LRP1B: variants seen among roughly 807,000 people sequenced by gnomAD.
The protein encoded by LRP1B is LDL receptor related protein 1B, also known as low-density lipoprotein receptor-related protein 1B.
In LRP1B, 217 loss-of-function variants were observed where a neutral mutation model predicts 556.6. The ratio of observed to expected loss-of-function variants is 0.39; its 90% CI spans 0.35 to 0.44. LRP1B has a LOEUF of 0.44. Ranked by LOEUF, LRP1B falls within the 20% of genes least tolerant of loss-of-function variation. The probability of loss-of-function intolerance (pLI) is 1.00; values close to 1 mark genes in which losing one functional copy is unlikely to be tolerated. For missense variants in LRP1B, 5,053 were observed against 5,620.8 expected (o/e 0.90, Z 3.23); for synonymous variants, 2,047 against 1,865.8 (o/e 1.10, Z -2.50).
chr2:141,544,414 T>TCCTCCTCCTCCTC (rs1423875409), intron 2 of LRP1B, among the ~76,000 whole-genome samples: 3 of 90,644 alleles, frequency 3.3e-5, no homozygotes, highest in Non-Finnish European at 6.7e-5. Flanking sequence ...TCCTCCTCCT[T>TCCTCCTCCTCCTC]CTCCTCCTTC....
At chr2:141,333,109 C>G (rs1379956169) in intron 3 of LRP1B, among the ~76,000 whole-genome samples, 3 of 151,798 alleles carry the variant, frequency 2.0e-5, no homozygotes, top group African/African-American at 7.2e-5. Flanking sequence ...CCCATGAAGA[C>G]TAATTTTTTA....
chr2:141,502,629 G>A lies in LRP1B; in HGVS notation c.206-22096C>T, dbSNP rs558388092. On this transcript the variant is annotated intron_variant, in intron 2 of 90. Coordinates refer to ENST00000389484, the MANE Select transcript of LRP1B (RefSeq NM_018557.3). ...TAATCCCAGCACTTTGGGAGGCTGA[G>A]GTGGGCGGATCACGAGGTGAAGAGA... Among the ~76,000 whole-genome samples, 103 of 152,118 alleles carry A rather than the reference G, an allele frequency of 6.8e-4. No homozygotes were observed. In the East Asian group the frequency reaches 8.0e-3, roughly 12 times the overall value.
chr2:141,288,266 CT>C (rs1248365138), intron 3 of LRP1B, among the ~76,000 whole-genome samples: 2 of 150,574 alleles, frequency 1.3e-5, no homozygotes, highest in Admixed American at 6.6e-5. Flanking sequence ...TTCAACTGTC[CT>C]TTGTATTTTA....
chr2:142,064,802 T>TA (rs1393851154), intron 1 of LRP1B, among the ~76,000 whole-genome samples: 1 of 151,504 alleles, frequency 6.6e-6, no homozygotes, highest in Non-Finnish European at 1.5e-5. Context: ...GATGATAAAA[T>TA]AAAAAAGAAG....
intron 63 of LRP1B, among the ~76,000 whole-genome samples, chr2:140,446,652 G>T (rs1455190872): frequency 1.3e-5 from 2 of 151,928 alleles, no homozygotes; most frequent in African/African-American, 4.8e-5. Flanking sequence ...TCAACTACAA[G>T]TAAAAGCCTA....
intron 1 of LRP1B, among the ~76,000 whole-genome samples, chr2:142,067,332 G>A (rs1006735975): frequency 6.6e-6 from 1 of 151,220 alleles, no homozygotes; most frequent in Non-Finnish European, 1.5e-5. Flanking sequence ...CCTACCATGA[G>A]CATAGACAGA....
intron 2 of LRP1B, among the ~76,000 whole-genome samples, chr2:141,668,529 C>T (rs553479869): frequency 4.6e-5 from 7 of 152,264 alleles, no homozygotes; most frequent in East Asian, 1.9e-4. Context: ...GTCTGAACAT[C>T]GAGAGGAGTG....
intron 2 of LRP1B, among the ~76,000 whole-genome samples, chr2:141,585,132 C>T (rs1354452382): frequency 3.3e-5 from 5 of 152,100 alleles, no homozygotes; most frequent in Non-Finnish European, 5.9e-5. Context: ...CTCGCACAAC[C>T]TGTTATCCCT....
intron 3 of LRP1B, among the ~76,000 whole-genome samples, chr2:141,422,968 A>G (rs961300589): frequency 6.6e-6 from 1 of 152,224 alleles, no homozygotes; most frequent in Non-Finnish European, 1.5e-5. Context: ...AGAGGAAAAA[A>G]GTCAGTTGAA....
intron 7 of LRP1B, among the ~76,000 whole-genome samples, chr2:141,124,358 A>C (rs925212615): frequency 6.6e-6 from 1 of 152,150 alleles, no homozygotes; most frequent in Non-Finnish European, 1.5e-5. Flanking sequence ...AAGAGCTATG[A>C]TAGTTAGAAT....
At chr2:140,316,647 T>A (rs1480745998) in intron 82 of LRP1B, among the ~76,000 whole-genome samples, 2 of 152,150 alleles carry the variant, frequency 1.3e-5, no homozygotes, top group African/African-American at 2.4e-5. Context: ...GTTACCTGAT[T>A]TGAGCCTCAG....
rs1484515979 is a variant in LRP1B at position 140,516,941 on chromosome 2, C to G, written c.8097G>C (p.Trp2699Cys). ...CACAATCTTTCTGACCATCGCATAT[C>G]CAGGTATTCAAAATGCATCTTCCAC... is the stretch of plus-strand genomic sequence containing the variant. ...CPSGRCILNT[W>C]ICDGQKDCED... is the part of the protein sequence containing the mutation. The change falls in exon 50 of 91, where the codon TGG (tryptophan) becomes TGC (cysteine). Residue 2699 changes from tryptophan (W) to cysteine (C), a missense_variant. By Grantham distance (215) the Trp-to-Cys change is radical. Transcript: ENST00000389484. 1.9e-6 allele frequency: 3 copies of G among 1,611,600 alleles called. No individual in the cohort carries two copies. In the African/African-American group the frequency reaches 4.0e-5, roughly 22 times the overall value.
At chr2:141,660,412 G>C (rs1037549152) in intron 2 of LRP1B, among the ~76,000 whole-genome samples, 1 of 133,802 alleles carries the variant, frequency 7.5e-6, no homozygotes, top group African/African-American at 2.8e-5. Flanking sequence ...GCTGGAGACT[G>C]CACAAGACTA....
rs1232634168 is a variant in LRP1B at position 141,062,108 on chromosome 2, A to G, written c.1179T>C (p.Tyr393=). 1.2e-6 allele frequency: 2 copies of G among 1,612,110 alleles called. No individual in the cohort carries two copies. The highest frequency in any genetic ancestry group is 2.2e-5 in the East Asian group (1 of 44,786). Residue 393 remains tyrosine, a synonymous_variant, in exon 8 of 91, where the codon TAT becomes TAC. Transcript: ENST00000389484. ...TTCCTTGATAGTCCACTACTCCCAC[A>G]TAGTCCAAGTAAAGATCTACCCAGT... ...LVYWVDLYLD[Y]VGVVDYQGKN...
chr2:140,305,372 A>C (rs911475679), intron 83 of LRP1B, among the ~76,000 whole-genome samples: 1 of 152,170 alleles, frequency 6.6e-6, no homozygotes, highest in Non-Finnish European at 1.5e-5. Context: ...GGTTCTTCAC[A>C]TCCCTTGTAA....
intron 3 of LRP1B, among the ~76,000 whole-genome samples, chr2:141,369,076 A>T (rs1364968011): frequency 4.6e-5 from 7 of 152,184 alleles, no homozygotes; most frequent in Non-Finnish European, 1.0e-4. Context: ...TAATAATATC[A>T]AGTAGTATCA....
chr2:140,318,273 CTATATG>C (rs1352204025), intron 82 of LRP1B, among the ~76,000 whole-genome samples: 1 of 151,960 alleles, frequency 6.6e-6, no homozygotes, highest in East Asian at 1.9e-4. Context: ...TTTTCAAGAC[CTATATG>C]TGTAAAGGCT....
rs150763718 is a variant in LRP1B, at chr2:141,561,671, A to G, written c.206-81138T>C. Among the ~76,000 whole-genome samples, 568 of 151,916 alleles carry G rather than the reference A, an allele frequency of 3.7e-3. 4 individuals are homozygous for G. Among genetic ancestry groups the G allele is most frequent in the South Asian group, 8.9e-3 (43 of 4,826 alleles). ...CTAAGATTGAAATCAGAGATTGTCA[A>G]TTTTCTTCACTTTTCACAAATCTTC... On this transcript the variant is annotated intron_variant, in intron 2 of 90. Transcript: ENST00000389484.
intron 1 of LRP1B, among the ~76,000 whole-genome samples, chr2:141,946,826 A>G (rs1053484205): frequency 6.6e-6 from 1 of 152,208 alleles, no homozygotes; most frequent in African/African-American, 2.4e-5. Flanking sequence ...AGATTTTTTA[A>G]AGTAACTTTA....
Sources: gnomAD v4.1 joint callset for allele counts (sites outside exome capture counted in the v4.1 genomes callset) on GRCh38, gnomAD v4.1.1 for gene constraint, MANE v1.5 for transcripts, NCBI Gene and HGNC (gene_info 2026-07-23, HGNC 2026-07-21) for gene names.